The following PTPN3 variants were observed in gnomAD, a reference collection of about 807,000 sequenced individuals.
The protein encoded by PTPN3 is tyrosine-protein phosphatase non-receptor type 3.
PTPN3 carries 96 observed loss-of-function variants against 132.7 expected under a neutral mutation model. That is an observed-to-expected ratio of 0.72 (90% CI 0.61 to 0.86). PTPN3 has a LOEUF of 0.86. Ranked by LOEUF, PTPN3 falls within the 40% of genes least tolerant of loss-of-function variation. The probability of loss-of-function intolerance (pLI) is 0.00; values close to 1 mark genes in which losing one functional copy is unlikely to be tolerated. For missense variants in PTPN3, 1,125 were observed against 1,159.6 expected (o/e 0.97, Z 0.43); for synonymous variants, 398 against 429.0 (o/e 0.93, Z 0.89).
At chr9:109,484,445 A>C (rs1541089) in intron 1 of PTPN3, among the ~76,000 whole-genome samples, 2 of 152,136 alleles carry the variant, frequency 1.3e-5, no homozygotes, top group African/African-American at 4.8e-5. Flanking sequence ...CACTGAGCAC[A>C]GCAGCCTGGC....
the PTPN3 span, among the ~76,000 whole-genome samples, chr9:109,517,728 G>A: frequency 1.1e-4 from 16 of 152,222 alleles, no homozygotes; most frequent in African/African-American, 3.1e-4. Context: ...GGTGCTGGCT[G>A]TTCTCCCTTG....
At chr9:109,446,787 T>A (rs1844889863) in intron 6 of PTPN3, among the ~76,000 whole-genome samples, 1 of 152,232 alleles carries the variant, frequency 6.6e-6, no homozygotes, top group South Asian at 2.1e-4. Flanking sequence ...GAAGCCTCTG[T>A]TCTGCTCTCA....
chr9:109,508,933 C>G, the PTPN3 span, among the ~76,000 whole-genome samples: 1 of 152,096 alleles, frequency 6.6e-6, no homozygotes, highest in Admixed American at 6.5e-5. Flanking sequence ...GTGGCTCATG[C>G]CTGTAATCCC....
At position 109,382,431 on chromosome 9, in the gene PTPN3, G is replaced by C; in HGVS notation, c.2399C>G (p.Thr800Arg). 3.1e-6 allele frequency: 5 copies of C among 1,614,216 alleles called. No homozygotes were observed. The highest frequency in any genetic ancestry group is 4.2e-6 in the Non-Finnish European group (5 of 1,180,044). ...TGCGACGTACTGGAGATGTGTCACT[G>C]TGTGTTCTTCCCCGGTCTGTGGGAG... ...VTNTQTGEEHTVTHLQYVAWP... is the reference protein window; with the variant it reads ...VTNTQTGEEHRVTHLQYVAWP... Residue 800 changes from threonine to arginine, a missense_variant, in exon 24 of 26, where the codon ACA (threonine) becomes AGA (arginine). Thr to Arg is a moderately conservative substitution (Grantham distance 71, BLOSUM62 -1). Coordinates refer to ENST00000374541, the MANE Select transcript of PTPN3 (RefSeq NM_002829.4).
intron 1 of PTPN3, among the ~76,000 whole-genome samples, chr9:109,468,510 G>A (rs995563020): frequency 7.2e-5 from 11 of 152,102 alleles, no homozygotes; most frequent in African/African-American, 2.4e-4. Flanking sequence ...GGGACTACAG[G>A]CGCCCGCCAC....
At chr9:109,496,265 C>T (rs932480356) in intron 1 of PTPN3, among the ~76,000 whole-genome samples, 15 of 152,298 alleles carry the variant, frequency 9.8e-5, no homozygotes, top group Admixed American at 5.2e-4. Flanking sequence ...ACTAGAATGG[C>T]CTACTCTGTC....
intron 1 of PTPN3, among the ~76,000 whole-genome samples, chr9:109,489,862 C>G (rs528339250): frequency 6.6e-6 from 1 of 152,162 alleles, no homozygotes; most frequent in South Asian, 2.1e-4. Flanking sequence ...GGATTCAAAC[C>G]TGTATACAGT....
intron 19 of PTPN3, among the ~76,000 whole-genome samples, chr9:109,404,075 C>G (rs918924940): frequency 5.3e-5 from 8 of 152,178 alleles, no homozygotes; most frequent in Non-Finnish European, 1.0e-4. Context: ...GAGTTTTGAG[C>G]TTTTGTGTTG....
At chr9:109,536,065 G>C in the PTPN3 span, among the ~76,000 whole-genome samples, 1 of 152,086 alleles carries the variant, frequency 6.6e-6, no homozygotes, top group Admixed American at 6.5e-5. Context: ...TCTGCTTTCT[G>C]TCTCTATGGA....
At chr9:109,457,729 G>A (rs146002508) in intron 2 of PTPN3, among the ~76,000 whole-genome samples, 1,872 of 152,274 alleles carry the variant, frequency 0.012, 22 homozygotes, top group Middle Eastern at 0.051. Context: ...GGCCTCCAGT[G>A]GATTATCCAC....
intron 7 of PTPN3, among the ~76,000 whole-genome samples, chr9:109,440,812 C>G (rs926296555): frequency 6.6e-6 from 1 of 152,222 alleles, no homozygotes; most frequent in African/African-American, 2.4e-5. Context: ...ATGTTCTGAG[C>G]TTCGAACACA....
At chr9:109,446,180 C>G (rs375555278) in intron 6 of PTPN3, among the ~76,000 whole-genome samples, 45 of 152,282 alleles carry the variant, frequency 3.0e-4, no homozygotes, top group African/African-American at 9.6e-4. Context: ...GGGGAGGTCT[C>G]TGATAAACGG....
rs752234035 is a variant in PTPN3, at chr9:109,383,570, A to G, written c.2254-19T>C. 6.2e-7 allele frequency: 1 copy of G among 1,611,906 alleles called. No individual in the cohort carries two copies. Among genetic ancestry groups the G allele is most frequent in the African/African-American group, 1.3e-5 (1 of 74,756 alleles). ...ATTTGGTCTGTAAGAAACCACCGAG[A>G]GTGAGTGAGCCCCGTCTGTGGGGTG... On this transcript the variant is annotated intron_variant, in intron 22 of 25. Coordinates refer to ENST00000374541, the MANE Select transcript of PTPN3 (RefSeq NM_002829.4).
upstream of PTPN3, among the ~76,000 whole-genome samples, chr9:109,500,154 G>A (rs1847844449): frequency 6.6e-6 from 1 of 152,242 alleles, no homozygotes; most frequent in African/African-American, 2.4e-5. Context: ...AGTGAAATAA[G>A]GAACGTGAAC....
At chr9:109,414,829 A>G (rs1842349120) in intron 14 of PTPN3, among the ~76,000 whole-genome samples, 1 of 152,196 alleles carries the variant, frequency 6.6e-6, no homozygotes, top group Non-Finnish European at 1.5e-5. Context: ...CACCTACCAC[A>G]TAGTCCTGCT....
At chr9:109,523,981 C>T in the PTPN3 span, among the ~76,000 whole-genome samples, 5 of 152,104 alleles carry the variant, frequency 3.3e-5, no homozygotes, top group East Asian at 3.9e-4. Flanking sequence ...CATGGTGGCT[C>T]ACACCTGTAA....
chr9:109,492,253 A>G (rs535741351), intron 1 of PTPN3, among the ~76,000 whole-genome samples: 5 of 151,370 alleles, frequency 3.3e-5, no homozygotes, highest in African/African-American at 9.7e-5. Context: ...CCTTGAGCTG[A>G]TGTGGCTGAG....
At position 109,436,893 on chromosome 9, in the gene PTPN3, T is replaced by C. The variant is rs1272430134; in HGVS notation, c.665A>G (p.His222Arg). Residue 222 changes from histidine to arginine, a missense_variant, in exon 9 of 26, where the codon CAC (histidine) becomes CGC (arginine). His to Arg is a conservative substitution (Grantham distance 29, BLOSUM62 0). Coordinates refer to ENST00000374541, the MANE Select transcript of PTPN3 (RefSeq NM_002829.4). ...RTLDFYGVEL[H>R]SGRDLHNLDL... The stretch of plus-strand genomic sequence containing the variant: ...AACAAGAATACATACCCTACCACTG[T>C]GCAGTTCTACTCCATAGAAGTCGAG... 3 of 1,613,966 alleles carry C rather than the reference T, an allele frequency of 1.9e-6. No homozygotes were observed. In the African/African-American group the frequency reaches 4.0e-5, roughly 22 times the overall value.
At chr9:109,404,375 C>T in intron 19 of PTPN3, 73 bp downstream of exon 19, 1 of 1,124,666 alleles carries the variant, frequency 8.9e-7, no homozygotes, top group Non-Finnish European at 1.2e-6. Context: ...TGCCTCATTT[C>T]CTCCACTGCT....
Sources: allele counts gnomAD v4.1 joint callset (sites outside exome capture counted in the v4.1 genomes callset), GRCh38; gene constraint gnomAD v4.1.1; transcripts MANE v1.5; gene names NCBI Gene and HGNC (gene_info 2026-07-23, HGNC 2026-07-21).